The following PCDH15 variants were observed in gnomAD, a reference collection of about 807,000 sequenced individuals.
PCDH15 encodes protocadherin-15.
PCDH15 carries 129 observed loss-of-function variants against 178.5 expected under a neutral mutation model. The observed-to-expected ratio is 0.72, with a 90% CI of 0.63 to 0.84. The LOEUF is 0.84. Ranked by LOEUF, PCDH15 falls within the 40% of genes least tolerant of loss-of-function variation. PCDH15 has a pLI of 0.00. For synonymous variants in PCDH15, 800 were observed against 732.0 expected (o/e 1.09, Z -1.50); for missense variants, 2,230 against 2,099.9 (o/e 1.06, Z -1.21).
At chr10:54,098,297 C>A (rs1205418340) in intron 15 of PCDH15, among the ~76,000 whole-genome samples, 1 of 151,432 alleles carries the variant, frequency 6.6e-6, no homozygotes, top group African/African-American at 2.4e-5. Context: ...TGTTAGGGAA[C>A]AGTTTGTTCT....
intron 2 of PCDH15, among the ~76,000 whole-genome samples, chr10:55,046,004 A>C (rs1305915901): frequency 6.6e-6 from 1 of 152,084 alleles, no homozygotes; most frequent in Non-Finnish European, 1.5e-5. Context: ...GTTTTATTGC[A>C]TTAAATGGTA....
intron 2 of PCDH15, among the ~76,000 whole-genome samples, chr10:55,544,057 C>T (rs370764550): frequency 1.4e-5 from 2 of 147,822 alleles, no homozygotes; most frequent in Admixed American, 6.9e-5. Context: ...TGATTAAACG[C>T]CATTTATTCA....
At chr10:54,084,212 A>T (rs1294496170) in intron 16 of PCDH15, among the ~76,000 whole-genome samples, 1 of 151,786 alleles carries the variant, frequency 6.6e-6, no homozygotes, top group Non-Finnish European at 1.5e-5. Context: ...CAGCCTCCTG[A>T]GTAGCTGGGA....
chr10:55,454,243 G>A (rs1589041920), intron 2 of PCDH15, among the ~76,000 whole-genome samples: 1 of 152,016 alleles, frequency 6.6e-6, no homozygotes, highest in African/African-American at 2.4e-5. Flanking sequence ...TACATGCAAA[G>A]TAATTTAGCT....
chr10:55,367,583 GAAAAC>G (rs529336336), intron 2 of PCDH15, among the ~76,000 whole-genome samples: 4 of 151,594 alleles, frequency 2.6e-5, no homozygotes, highest in African/African-American at 7.3e-5. Context: ...CCTCTCTCAA[GAAAAC>G]AAAACAAAAC....
At position 54,313,448 on chromosome 10, in the gene PCDH15, G is replaced by T. The variant is rs1337559479; in HGVS notation, c.876+3823C>A. The stretch of plus-strand genomic sequence containing the variant: ...AGTGAGGCATTCTGACCAAAAATTT[G>T]CCCATACTCTCTGAAAATACTTTTG... On this transcript the variant is annotated intron_variant, in intron 8 of 37. Transcript: ENST00000644397. 2.6e-5 allele frequency among the ~76,000 whole-genome samples: 4 copies of T among 151,532 alleles called. No homozygotes were observed. The East Asian group carries it at 5.8e-4, about 22-fold the overall frequency.
intron 2 of PCDH15, among the ~76,000 whole-genome samples, chr10:55,102,425 T>C (rs1201356424): frequency 6.6e-6 from 1 of 152,132 alleles, no homozygotes; most frequent in African/African-American, 2.4e-5. Context: ...ATATATACTC[T>C]GTTTTTTTAA....
At chr10:55,604,996 T>C (rs1843180433) in intron 2 of PCDH15, among the ~76,000 whole-genome samples, 1 of 152,168 alleles carries the variant, frequency 6.6e-6, no homozygotes, top group East Asian at 1.9e-4. Context: ...GATAGACCAC[T>C]AGCAAGACTA....
At chr10:53,923,476 G>T (rs1485411354) in intron 25 of PCDH15, among the ~76,000 whole-genome samples, 4 of 152,122 alleles carry the variant, frequency 2.6e-5, no homozygotes, top group Admixed American at 1.3e-4. Flanking sequence ...TTTTGCTTTT[G>T]CATTGAAGCA....
intron 1 of PCDH15, among the ~76,000 whole-genome samples, chr10:55,318,450 A>C (rs1843788172): frequency 6.6e-6 from 1 of 152,186 alleles, no homozygotes; most frequent in East Asian, 1.9e-4. Context: ...TAAAACAAAA[A>C]GAATGCTCAA....
At chr10:54,752,112 T>C (rs1200727168) in intron 1 of PCDH15, among the ~76,000 whole-genome samples, 8 of 152,154 alleles carry the variant, frequency 5.3e-5, no homozygotes, top group Non-Finnish European at 1.0e-4. Flanking sequence ...ATCTGTATTA[T>C]CAGGAATATG....
chr10:55,610,260 T>G (rs554059726), intron 2 of PCDH15, among the ~76,000 whole-genome samples: 13 of 152,214 alleles, frequency 8.5e-5, no homozygotes, highest in Middle Eastern at 6.8e-3. Flanking sequence ...TAACTTTAAT[T>G]TATGCATGAG....
intron 2 of PCDH15, among the ~76,000 whole-genome samples, chr10:55,077,703 C>T (rs1388903309): frequency 5.3e-5 from 8 of 152,110 alleles, no homozygotes; most frequent in Non-Finnish European, 1.0e-4. Flanking sequence ...GCATGCGCCA[C>T]ACCTGGCTAC....
chr10:54,601,383 C>A (rs2092521704), intron 2 of PCDH15, among the ~76,000 whole-genome samples: 1 of 151,938 alleles, frequency 6.6e-6, no homozygotes, highest in South Asian at 2.1e-4. Flanking sequence ...TATGAACAGA[C>A]ACTTTTCAAA....
chr10:54,291,194 A>T (rs553466383), intron 8 of PCDH15, among the ~76,000 whole-genome samples: 1 of 152,314 alleles, frequency 6.6e-6, no homozygotes, highest in South Asian at 2.1e-4. Flanking sequence ...AACTACAAGG[A>T]AACTGAAAAA....
intron 2 of PCDH15, among the ~76,000 whole-genome samples, chr10:55,608,660 A>G (rs1381400217): frequency 6.6e-6 from 1 of 151,928 alleles, no homozygotes; most frequent in East Asian, 2.0e-4. Flanking sequence ...AGAAGACTTT[A>G]ATCAGGTGCT....
At chr10:55,538,512 TCCTTCCTTCCTC>T (rs1564442008) in intron 2 of PCDH15, among the ~76,000 whole-genome samples, 3 of 117,678 alleles carry the variant, frequency 2.5e-5, no homozygotes, top group South Asian at 3.1e-4. Flanking sequence ...CTTCCTTCTT[TCCTTCCTTCCTC>T]CCTTCCTTCC....
chr10:54,519,147 G>C (rs2082561513), intron 3 of PCDH15, among the ~76,000 whole-genome samples: 1 of 152,046 alleles, frequency 6.6e-6, no homozygotes, highest in Admixed American at 6.6e-5. Flanking sequence ...TTTGAAAACT[G>C]GCACAAGACA....
intron 26 of PCDH15, among the ~76,000 whole-genome samples, chr10:53,886,931 A>G (rs1273843938): frequency 3.3e-5 from 5 of 152,068 alleles, no homozygotes; most frequent in Non-Finnish European, 5.9e-5. Context: ...GCTCTTTATC[A>G]ACGCCCTATA....
Sources: gnomAD v4.1 joint callset for allele counts (sites outside exome capture counted in the v4.1 genomes callset) on GRCh38, gnomAD v4.1.1 for gene constraint, MANE v1.5 for transcripts, NCBI Gene and HGNC (gene_info 2026-07-23, HGNC 2026-07-21) for gene names.